PAM: variants seen among roughly 807,000 people sequenced by gnomAD.
PAM encodes the protein peptidyl-glycine alpha-amidating monooxygenase.
Under a neutral mutation model 122.1 loss-of-function variants are expected in PAM, and 72 were observed. The ratio of observed to expected loss-of-function variants is 0.59; its 90% CI spans 0.49 to 0.72. The LOEUF is 0.72. Among genes scored for constraint, PAM ranks in the 30% least tolerant of loss-of-function variants. PAM has a pLI of 0.00. For synonymous variants in PAM, 389 were observed against 404.4 expected (o/e 0.96, Z 0.46); for missense variants, 1,106 against 1,183.7 (o/e 0.93, Z 0.96).
intron 1 of PAM, among the ~76,000 whole-genome samples, chr5:102,761,611 A>T (rs1000580423): frequency 6.6e-6 from 1 of 152,248 alleles, no homozygotes; most frequent in African/African-American, 2.4e-5. Context: ...ATGCCAAAGT[A>T]AGTTTGTTTT....
intron 15 of PAM, among the ~76,000 whole-genome samples, chr5:102,978,573 C>T (rs1321114755): frequency 6.6e-6 from 1 of 152,122 alleles, no homozygotes; most frequent in Non-Finnish European, 1.5e-5. Context: ...GTCTGTATTA[C>T]AAACCTCTGG....
intron 7 of PAM, among the ~76,000 whole-genome samples, chr5:102,933,784 G>A (rs1752357166): frequency 6.6e-6 from 1 of 152,176 alleles, no homozygotes; most frequent in Non-Finnish European, 1.5e-5. Context: ...CCTTGCTAAT[G>A]CATTTTGAAC....
chr5:102,871,725 A>C (rs1465572439), intron 3 of PAM, among the ~76,000 whole-genome samples: 2 of 146,726 alleles, frequency 1.4e-5, no homozygotes, highest in Admixed American at 6.9e-5. Flanking sequence ...TATATAATAC[A>C]TTTATATATA....
At chr5:102,917,518 A>G (rs1416086485) in intron 5 of PAM, among the ~76,000 whole-genome samples, 1 of 152,178 alleles carries the variant, frequency 6.6e-6, no homozygotes, top group Non-Finnish European at 1.5e-5. Flanking sequence ...AGGAAATACA[A>G]AGCTGTTTTA....
At chr5:103,001,834 TGCAAATATATAATA>T in intron 16 of PAM, among the ~76,000 whole-genome samples, 1 of 152,242 alleles carries the variant, frequency 6.6e-6, no homozygotes, top group South Asian at 2.1e-4. Flanking sequence ...CTTCCCAAAT[TGCAAATATATAATA>T]GCAAATATTT....
chr5:102,986,558 C>G (rs562352499), intron 15 of PAM, among the ~76,000 whole-genome samples: 1 of 152,046 alleles, frequency 6.6e-6, no homozygotes, highest in African/African-American at 2.4e-5. Context: ...CTACAAAACA[C>G]TGATGAAAGA....
chr5:102,929,520 A>G (rs1017454515), intron 7 of PAM, among the ~76,000 whole-genome samples: 7 of 152,236 alleles, frequency 4.6e-5, no homozygotes, highest in African/African-American at 1.7e-4. Context: ...TTTAAAGTAT[A>G]TAAATTGTAA....
chr5:102,910,405 T>C (rs1801034446), intron 4 of PAM, among the ~76,000 whole-genome samples: 1 of 152,078 alleles, frequency 6.6e-6, no homozygotes, highest in Non-Finnish European at 1.5e-5. Context: ...GCTTTCAGTG[T>C]CATCAGATTT....
chr5:102,929,688 A>C (rs1341289692), intron 7 of PAM, among the ~76,000 whole-genome samples: 2 of 152,324 alleles, frequency 1.3e-5, no homozygotes, highest in Admixed American at 1.3e-4. Context: ...AAATGAAGGC[A>C]AAACATCTTC....
intron 4 of PAM, among the ~76,000 whole-genome samples, chr5:102,902,950 T>C (rs1490300276): frequency 6.6e-6 from 1 of 151,510 alleles, no homozygotes; most frequent in African/African-American, 2.4e-5. Flanking sequence ...ATATCCTGTG[T>C]GTTATTGCTC....
intron 21 of PAM, among the ~76,000 whole-genome samples, chr5:103,014,659 C>G (rs1252327788): frequency 1.3e-5 from 2 of 152,174 alleles, no homozygotes; most frequent in African/African-American, 4.8e-5. Context: ...CACTCCTTAT[C>G]TCCTCTTACA....
intron 17 of PAM, among the ~76,000 whole-genome samples, chr5:103,003,665 A>G (rs1468344047): frequency 6.6e-6 from 1 of 152,182 alleles, no homozygotes; most frequent in African/African-American, 2.4e-5. Flanking sequence ...TGATTTTAAT[A>G]TGTAGTCAAG....
rs144715303 is a variant in PAM at position 102,978,015 on chromosome 5, A to T, written c.1483+3579A>T. Among the ~76,000 whole-genome samples the T allele has an allele frequency of 5.5e-3, 832 of 152,342 alleles. 5 individuals carry two copies. The highest frequency in any genetic ancestry group is 0.019 in the African/African-American group (782 of 41,580). On this transcript the variant is annotated intron_variant, in intron 15 of 25. Coordinates refer to ENST00000438793, the MANE Select transcript of PAM (RefSeq NM_001177306.2). ...TGCAGAAAGCATTTGAAAATGTTAT[A>T]GTACATTAACAATTGTGACTATTAT... is the stretch of plus-strand genomic sequence containing the variant.
At chr5:102,830,696 CA>C (rs1374446011) in intron 1 of PAM, among the ~76,000 whole-genome samples, 4 of 152,194 alleles carry the variant, frequency 2.6e-5, no homozygotes, top group Non-Finnish European at 5.9e-5. Flanking sequence ...TGTGATTTAA[CA>C]CCATCAAGTC....
chr5:102,794,964 C>A lies in PAM; in HGVS notation c.-374+39616C>A, dbSNP rs1762979152. ...TAGCACTCTGGCAGGCTGAGGCTCG[C>A]AGATCACTTGTGCCCAGGAGTTGGA... On this transcript the variant is annotated intron_variant, in intron 1 of 25. Coordinates refer to ENST00000438793, the MANE Select transcript of PAM (RefSeq NM_001177306.2). 3.3e-5 allele frequency among the ~76,000 whole-genome samples: 5 copies of A among 151,950 alleles called. No homozygotes were observed. The South Asian group carries it at 1.0e-3, about 32-fold the overall frequency.
At chr5:102,766,443 A>G (rs977314671) in intron 1 of PAM, among the ~76,000 whole-genome samples, 3 of 152,084 alleles carry the variant, frequency 2.0e-5, no homozygotes, top group African/African-American at 4.8e-5. Flanking sequence ...TCCTGCTCCT[A>G]TGAGACTCTA....
intron 3 of PAM, among the ~76,000 whole-genome samples, chr5:102,895,005 A>G (rs879241868): frequency 6.6e-6 from 1 of 151,018 alleles, no homozygotes; most frequent in African/African-American, 2.4e-5. Context: ...AAAAAAAAAA[A>G]TGTCTGTGGC....
chr5:103,004,337 A>G (rs1227844988), intron 17 of PAM, among the ~76,000 whole-genome samples: 2 of 152,180 alleles, frequency 1.3e-5, no homozygotes, highest in Non-Finnish European at 2.9e-5. Flanking sequence ...TATCTGTTTG[A>G]AAGCAAATCA....
At position 102,900,265 on chromosome 5, in the gene PAM, CGGG is replaced by C. The variant is rs1280721894; in HGVS notation, c.211-1087_211-1085del. Among the ~76,000 whole-genome samples, 23 of 22,522 alleles carry C rather than the reference CGGG, an allele frequency of 1.0e-3. 1 individual carries two copies. Among genetic ancestry groups the C allele is most frequent in the African/African-American group, 3.2e-3 (22 of 6,960 alleles). The allele number at this position is 22,522 out of a possible 152,430, so 14.8% of individuals were successfully genotyped here. On this transcript the variant is annotated intron_variant, in intron 3 of 25. Transcript: ENST00000438793. ...TTAATGTGTGTGTGTGGGGGGGGGGCGGGGGGAAGAGGGTAGACAAAATCAGCA... is the reference window on the plus strand; with the variant it reads ...TTAATGTGTGTGTGTGGGGGGGGGGCGGGAAGAGGGTAGACAAAATCAGCA...
Sources: allele counts gnomAD v4.1 joint callset (sites outside exome capture counted in the v4.1 genomes callset), GRCh38; gene constraint gnomAD v4.1.1; transcripts MANE v1.5; gene names NCBI Gene and HGNC (gene_info 2026-07-23, HGNC 2026-07-21).